DHTKD1: variants seen among roughly 807,000 people sequenced by gnomAD.
The protein encoded by DHTKD1 is 2-oxoadipate dehydrogenase complex component E1.
A neutral mutation model predicts 101.8 loss-of-function variants in DHTKD1; 78 were observed. That is an observed-to-expected ratio of 0.77 (90% CI 0.64 to 0.93). DHTKD1 has a LOEUF of 0.93. Among genes scored for constraint, DHTKD1 ranks in the 40% least tolerant of loss-of-function variants. The pLI is 0.00. For synonymous variants in DHTKD1, 462 were observed against 450.3 expected, an observed-to-expected ratio of 1.03 and a Z score of -0.33; for missense variants, 1,223 against 1,161.7, an observed-to-expected ratio of 1.05 and a Z score of -0.77.
chr10:12,100,582 T>C (rs1833154491), intron 9 of DHTKD1, among the ~76,000 whole-genome samples: 1 of 152,162 alleles, frequency 6.6e-6, no homozygotes, highest in Non-Finnish European at 1.5e-5. Context: ...ATTTTCTGTC[T>C]AGCTAGTAGA....
chr10:12,091,061 A>G (rs1832982970), intron 5 of DHTKD1, among the ~76,000 whole-genome samples: 1 of 152,084 alleles, frequency 6.6e-6, no homozygotes, highest in South Asian at 2.1e-4. Flanking sequence ...CTCAAAAAAA[A>G]ACAAAAAAAG....
intron 4 of DHTKD1, 68 bp from the exon 5 acceptor site, chr10:12,088,918 C>G (rs1832944090): frequency 7.1e-6 from 10 of 1,413,362 alleles, no homozygotes; most frequent in Non-Finnish European, 9.8e-6. Context: ...GATTTCAACT[C>G]AGCACTTCTT....
At chr10:12,100,364 G>A (rs1186970866) in intron 9 of DHTKD1, 102 bp downstream of exon 9, 17 of 549,886 alleles carry the variant, frequency 3.1e-5, no homozygotes, top group Non-Finnish European at 4.8e-5. Flanking sequence ...TGCAACCTCC[G>A]CCTCCCAGGT....
chr10:12,089,340 G>C (rs1832954217), intron 5 of DHTKD1, 85 bp downstream of exon 5: 1 of 1,283,318 alleles, frequency 7.8e-7, no homozygotes, highest in East Asian at 2.3e-5. Context: ...GCACATGGCA[G>C]ACATTCATGA....
In DHTKD1 at chr10:12,069,684, CTTTTTTTTT is replaced by C. The variant is rs11292752; in HGVS notation, c.154+515_154+523del. The stretch of plus-strand genomic sequence containing the variant: ...GACACAGAGGGATGACCACGCCCAG[CTTTTTTTTT>C]TTTTTTTTTTTTTTTTTCATTTTTA... On this transcript the variant is annotated intron_variant, in intron 1 of 16. Coordinates refer to ENST00000263035, the MANE Select transcript of DHTKD1 (RefSeq NM_018706.7). Among the ~76,000 whole-genome samples the C allele has an allele frequency of 2.7e-4, 7 of 25,478 alleles. 1 individual carries two copies. Among genetic ancestry groups the C allele is most frequent in the East Asian group, 2.9e-3 (2 of 678 alleles). 16.7% of individuals were successfully genotyped at this position (25,478 alleles called of 152,430 possible). A position where few individuals can be genotyped will look rare whatever the true frequency, so the allele number is the denominator to read the frequency against.
intron 3 of DHTKD1, among the ~76,000 whole-genome samples, chr10:12,085,309 C>CA (rs967239126): frequency 1.1e-3 from 163 of 145,848 alleles, no homozygotes; most frequent in African/African-American, 3.5e-3. Context: ...GACTCTGTCT[C>CA]AAAAAAAAAA....
intron 1 of DHTKD1, among the ~76,000 whole-genome samples, chr10:12,077,498 A>G (rs1832752243): frequency 6.6e-6 from 1 of 152,196 alleles, no homozygotes; most frequent in Non-Finnish European, 1.5e-5. Flanking sequence ...TGGCCTCCCA[A>G]AGTGCTGGGA....
chr10:12,119,019 A>G (rs1052264801), intron 15 of DHTKD1, 101 bp downstream of exon 15: 1 of 1,253,978 alleles, frequency 8.0e-7, no homozygotes, highest in Non-Finnish European at 1.1e-6. Flanking sequence ...AGAAAATTGA[A>G]TCTTGGGCCG....
chr10:12,101,325 G>T, intron 10 of DHTKD1, 144 bp downstream of exon 10: 1 of 859,480 alleles, frequency 1.2e-6, no homozygotes. Context: ...GGATGAGGTG[G>T]GTCTGTCAAT....
chr10:12,095,540 G>A (rs7080415), intron 7 of DHTKD1, among the ~76,000 whole-genome samples: 112,377 of 150,892 alleles, frequency 0.74, 42,269 homozygotes, highest in South Asian at 0.87. Flanking sequence ...TTGGCCAGGC[G>A]CGGTGGCTCA....
intron 1 of DHTKD1, among the ~76,000 whole-genome samples, chr10:12,076,211 C>T (rs1478217732): frequency 1.3e-5 from 2 of 152,264 alleles, no homozygotes; most frequent in Non-Finnish European, 2.9e-5. Context: ...AGTGCGGTGG[C>T]TCACGCCTGT....
At chr10:12,120,063 T>C (rs1588621545) in intron 15 of DHTKD1, 119 bp from the exon 16 acceptor site, 8 of 732,624 alleles carry the variant, frequency 1.1e-5, no homozygotes, top group African/African-American at 1.1e-4. Flanking sequence ...TTCTAGTGAA[T>C]GTGAATCCCT....
intron 5 of DHTKD1, among the ~76,000 whole-genome samples, chr10:12,090,369 CTTCCTTCCTTCCTTCCTTTT>C (rs869249890): frequency 7.4e-4 from 39 of 53,010 alleles, no homozygotes; most frequent in Non-Finnish European, 1.5e-3. Context: ...CCCTCCCTCC[CTTCCTTCCTTCCTTCCTTTT>C]TTCCTTCCTT....
At chr10:12,116,701 CTT>C (rs1160066902) in intron 13 of DHTKD1, among the ~76,000 whole-genome samples, 16 of 142,272 alleles carry the variant, frequency 1.1e-4, no homozygotes, top group Admixed American at 1.4e-4. Context: ...TTTTTCTTTT[CTT>C]TTTTTTTTTT....
rs1564393460 is a variant in DHTKD1 at position 12,095,834 on chromosome 10, G to GAAAAA, written c.1358+1567_1358+1568insAAAAA. Among the ~76,000 whole-genome samples, 2 of 68,850 alleles carry GAAAAA rather than the reference G, an allele frequency of 2.9e-5. 1 individual carries two copies. The highest frequency in any genetic ancestry group is 5.3e-5 in the Non-Finnish European group (2 of 37,948). The allele number at this position is 68,850 out of a possible 152,430, so 45.2% of individuals were successfully genotyped here. A position where few individuals can be genotyped will look rare whatever the true frequency, so the allele number is the denominator to read the frequency against. On this transcript the variant is annotated intron_variant, in intron 7 of 16. Transcript: ENST00000263035. Reference sequence around the variant, plus strand: ...TCTCAAAAAAAAAAAAAAAAAAAAAGAAAAGAAAAGAAAAGAAAAAGAAAA... The same window carrying GAAAAA: ...TCTCAAAAAAAAAAAAAAAAAAAAAGAAAAAAAAAGAAAAGAAAAGAAAAAGAAAA...
chr10:12,094,217 A>G lies in DHTKD1; in HGVS notation c.1304A>G (p.His435Arg), dbSNP rs770426845. The G allele has an allele frequency of 5.6e-6, 9 of 1,614,140 alleles. No individual in the cohort carries two copies. The highest frequency in any genetic ancestry group is 7.6e-6 in the Non-Finnish European group (9 of 1,180,058). Residue 435 changes from histidine (H) to arginine (R), a missense_variant, in exon 7 of 17, where the codon CAC becomes CGC. Transcript: ENST00000263035. ...IDLLCYRQWGHNELDEPFYTN... is the reference protein window; with the variant it reads ...IDLLCYRQWGRNELDEPFYTN... The stretch of plus-strand genomic sequence containing the variant: ...CTGTTGTGCTACAGGCAGTGGGGCC[A>G]CAATGAGCTGGATGAGCCATTCTAC...
At chr10:12,083,334 A>G (rs1190100004) in intron 2 of DHTKD1, among the ~76,000 whole-genome samples, 1 of 152,186 alleles carries the variant, frequency 6.6e-6, no homozygotes, top group Non-Finnish European at 1.5e-5. Context: ...AAGTTTATTC[A>G]TTTGTGTTGG....
chr10:12,087,738 A>G lies in DHTKD1; in HGVS notation c.717+9A>G, dbSNP rs1417954241. 1 of 1,573,236 alleles carries G rather than the reference A, an allele frequency of 6.4e-7. No homozygotes were observed. Among genetic ancestry groups the G allele is most frequent in the Non-Finnish European group, 8.6e-7 (1 of 1,160,094 alleles). On this transcript the variant is annotated intron_variant, in intron 4 of 16. Transcript: ENST00000263035. The surrounding 1 kb of genome is among the most constrained non-coding windows in gnomAD (Gnocchi z 5.2). The stretch of plus-strand genomic sequence containing the variant: ...TGCAGTTCCCTCCAGAGGTAAGGTT[A>G]CTCGCTGTGTTTCTCAGTAGCACTA...
chr10:12,106,987 CT>C (rs1184296488), intron 11 of DHTKD1, among the ~76,000 whole-genome samples: 160 of 141,604 alleles, frequency 1.1e-3, no homozygotes, highest in Middle Eastern at 0.011. Flanking sequence ...TTTTTCTTTT[CT>C]TTTTTTTTTT....
Sources: allele counts gnomAD v4.1 joint callset (sites outside exome capture counted in the v4.1 genomes callset), GRCh38; gene constraint gnomAD v4.1.1; non-coding constraint Gnocchi (gnomAD v3.1); transcripts MANE v1.5; gene names NCBI Gene and HGNC (gene_info 2026-07-23, HGNC 2026-07-21).